PARD3: variants seen among roughly 807,000 people sequenced by gnomAD.
PARD3 encodes the protein par-3 family cell polarity regulator.
Under a neutral mutation model 155.4 loss-of-function variants are expected in PARD3, and 75 were observed. That is an observed-to-expected ratio of 0.48 (90% CI 0.40 to 0.58). PARD3 has a LOEUF of 0.58. Ranked by LOEUF, PARD3 falls within the 20% of genes least tolerant of loss-of-function variation. The pLI is 0.00. For synonymous variants in PARD3, 576 were observed against 610.5 expected, an observed-to-expected ratio of 0.94 and a Z score of 0.83; for missense variants, 1,642 against 1,721.7, an observed-to-expected ratio of 0.95 and a Z score of 0.82.
At chr10:34,623,805 C>CAT (rs2091832394) in intron 2 of PARD3, among the ~76,000 whole-genome samples, 1 of 151,972 alleles carries the variant, frequency 6.6e-6, no homozygotes, top group Non-Finnish European at 1.5e-5. Flanking sequence ...CACGGTGAAA[C>CAT]CCTGACTCTA....
At chr10:34,775,899 T>C (rs1839468806) in intron 1 of PARD3, among the ~76,000 whole-genome samples, 1 of 152,276 alleles carries the variant, frequency 6.6e-6, no homozygotes, top group Non-Finnish European at 1.5e-5. Context: ...ACCACCTTCA[T>C]GCTTTTCAAT....
chr10:34,762,813 G>C (rs767531527), intron 1 of PARD3, among the ~76,000 whole-genome samples: 6 of 152,136 alleles, frequency 3.9e-5, no homozygotes, highest in Non-Finnish European at 8.8e-5. Flanking sequence ...GACTTCTAGG[G>C]TTCCCACATT....
At chr10:34,198,107 T>C (rs1323920109) in intron 22 of PARD3, among the ~76,000 whole-genome samples, 1 of 152,230 alleles carries the variant, frequency 6.6e-6, no homozygotes, top group Non-Finnish European at 1.5e-5. Flanking sequence ...CTTCTAACAT[T>C]AACAATGATA....
chr10:34,716,357 G>C (rs566604487), intron 1 of PARD3, among the ~76,000 whole-genome samples: 1 of 152,288 alleles, frequency 6.6e-6, no homozygotes, highest in South Asian at 2.1e-4. Context: ...ATAAAATCCT[G>C]CATGGAAGCA....
At chr10:34,748,288 G>A (rs775025490) in intron 1 of PARD3, among the ~76,000 whole-genome samples, 27 of 152,056 alleles carry the variant, frequency 1.8e-4, no homozygotes, top group Non-Finnish European at 2.5e-4. Flanking sequence ...TGTCCAACAC[G>A]GCAAAACCCT....
Position 34,526,467 on chromosome 10 carries a change from C to A in PARD3, c.223-9308G>T, listed in dbSNP as rs531960077. Reference sequence around the variant, plus strand: ...CACGACCAGGCAGGAGCATGCCCTGCTCTCCTGCTCCTCTGAATGTCTGCA... The same window carrying A: ...CACGACCAGGCAGGAGCATGCCCTGATCTCCTGCTCCTCTGAATGTCTGCA... On this transcript the variant is annotated intron_variant, in intron 2 of 24. Transcript: ENST00000374788. Among the ~76,000 whole-genome samples the A allele has an allele frequency of 3.9e-5, 6 of 152,312 alleles. No individual in the cohort carries two copies. In the South Asian group the frequency reaches 1.2e-3, roughly 32 times the overall value.
intron 23 of PARD3, among the ~76,000 whole-genome samples, chr10:34,127,928 TA>T (rs1305398831): frequency 6.6e-6 from 1 of 152,228 alleles, no homozygotes; most frequent in Non-Finnish European, 1.5e-5. Context: ...ATAAGCAGAT[TA>T]ACATAATTCT....
At chr10:34,113,375 A>G (rs940131866) in intron 24 of PARD3, among the ~76,000 whole-genome samples, 1 of 152,120 alleles carries the variant, frequency 6.6e-6, no homozygotes, top group African/African-American at 2.4e-5. Context: ...AATTACAACA[A>G]TGTGGGAGAA....
chr10:34,156,506 TATA>T (rs1326072928), intron 22 of PARD3, among the ~76,000 whole-genome samples: 1 of 152,090 alleles, frequency 6.6e-6, no homozygotes, highest in African/African-American at 2.4e-5. Flanking sequence ...AAACTAAAGG[TATA>T]ATTTTTAAGT....
At chr10:34,682,466 T>A (rs2093861194) in intron 2 of PARD3, among the ~76,000 whole-genome samples, 2 of 152,050 alleles carry the variant, frequency 1.3e-5, no homozygotes, top group South Asian at 4.1e-4. Context: ...CTCTATAAAT[T>A]CATAGAAATA....
At chr10:34,555,470 T>C (rs2084910542) in intron 2 of PARD3, among the ~76,000 whole-genome samples, 2 of 152,120 alleles carry the variant, frequency 1.3e-5, no homozygotes. Flanking sequence ...AATGGTCTCC[T>C]AGGAAAATTT....
chr10:34,209,820 TCATTAA>T (rs1270534096), intron 22 of PARD3, among the ~76,000 whole-genome samples: 1 of 152,240 alleles, frequency 6.6e-6, no homozygotes, highest in African/African-American at 2.4e-5. Flanking sequence ...TTATTAGTTA[TCATTAA>T]CATTATTATT....
At chr10:34,633,212 C>T (rs760157654) in intron 2 of PARD3, among the ~76,000 whole-genome samples, 10 of 152,028 alleles carry the variant, frequency 6.6e-5, no homozygotes, top group South Asian at 2.1e-4. Context: ...TTAAAATGTA[C>T]GGAACTCAAT....
chr10:34,576,789 T>C (rs1171546030), intron 2 of PARD3, among the ~76,000 whole-genome samples: 1 of 152,230 alleles, frequency 6.6e-6, no homozygotes, highest in Non-Finnish European at 1.5e-5. Flanking sequence ...TAGATACCTC[T>C]ATGATATTTT....
At chr10:34,303,405 G>A (rs1441220769) in intron 20 of PARD3, among the ~76,000 whole-genome samples, 2 of 150,538 alleles carry the variant, frequency 1.3e-5, no homozygotes, top group Non-Finnish European at 2.9e-5. Context: ...AAATTAAACA[G>A]ATGTCATCAC....
At chr10:34,670,983 G>A (rs2093600694) in intron 2 of PARD3, among the ~76,000 whole-genome samples, 1 of 152,180 alleles carries the variant, frequency 6.6e-6, no homozygotes, top group African/African-American at 2.4e-5. Context: ...TTACTAAATT[G>A]AGACCAGACC....
At chr10:34,689,395 TAC>T (rs1195537553) in intron 2 of PARD3, among the ~76,000 whole-genome samples, 4 of 152,192 alleles carry the variant, frequency 2.6e-5, no homozygotes, top group African/African-American at 9.7e-5. Flanking sequence ...TCATATTTCT[TAC>T]AGTTTCAACT....
chr10:34,456,946 G>T (rs2077371753), intron 4 of PARD3, among the ~76,000 whole-genome samples: 1 of 151,950 alleles, frequency 6.6e-6, no homozygotes, highest in Non-Finnish European at 1.5e-5. Flanking sequence ...TTTCACAGTG[G>T]AATTCTAATA....
chr10:34,470,711 A>G (rs1182775812), intron 3 of PARD3, among the ~76,000 whole-genome samples: 1 of 152,230 alleles, frequency 6.6e-6, no homozygotes, highest in African/African-American at 2.4e-5. Context: ...TTACCCCAAT[A>G]TTTCTAAATA....
Sources: gnomAD v4.1 joint callset for allele counts (sites outside exome capture counted in the v4.1 genomes callset) on GRCh38, gnomAD v4.1.1 for gene constraint, MANE v1.5 for transcripts, NCBI Gene and HGNC (gene_info 2026-07-23, HGNC 2026-07-21) for gene names.